CLIP1: variants seen among roughly 807,000 people sequenced by gnomAD.
CLIP1 encodes the protein CAP-Gly domain containing linker protein 1.
A neutral mutation model predicts 161.6 loss-of-function variants in CLIP1; 66 were observed. That is an observed-to-expected ratio of 0.41 (90% CI 0.33 to 0.50). CLIP1 has a LOEUF of 0.50. CLIP1 is among the 20% of genes least tolerant of loss of function. CLIP1 has a pLI of 0.27. For synonymous variants in CLIP1, 598 were observed against 626.2 expected (o/e 0.96, Z 0.67); for missense variants, 1,376 against 1,702.0 (o/e 0.81, Z 3.37).
At chr12:122,326,549 C>T (rs570298709) in intron 17 of CLIP1, among the ~76,000 whole-genome samples, 24 of 152,250 alleles carry the variant, frequency 1.6e-4, no homozygotes, top group Non-Finnish European at 2.6e-4. Context: ...TGTAGTGGCA[C>T]GTGCTTTTAG....
intron 20 of CLIP1, among the ~76,000 whole-genome samples, chr12:122,292,044 T>C (rs1213311046): frequency 6.6e-6 from 1 of 152,090 alleles, no homozygotes; most frequent in Non-Finnish European, 1.5e-5. Context: ...CAGGCTGGAG[T>C]GCAGGGACAA....
At chr12:122,376,601 G>A (rs1421391562) in intron 3 of CLIP1, among the ~76,000 whole-genome samples, 1 of 151,784 alleles carries the variant, frequency 6.6e-6, no homozygotes, top group Non-Finnish European at 1.5e-5. Flanking sequence ...CGAGTAGCTG[G>A]GACTACAGGC....
intron 20 of CLIP1, among the ~76,000 whole-genome samples, chr12:122,309,309 A>C (rs1950984769): frequency 6.6e-6 from 1 of 152,236 alleles, no homozygotes; most frequent in African/African-American, 2.4e-5. Context: ...TTTTTAATTT[A>C]AACAAAAGCA....
At position 122,333,005 on chromosome 12, in the gene CLIP1, T is replaced by C; in HGVS notation, c.2849A>G (p.Glu950Gly). 1 of 1,613,614 alleles carries C rather than the reference T, an allele frequency of 6.2e-7. No individual in the cohort carries two copies. Residue 950 changes from glutamate (E) to glycine (G), a missense_variant, in exon 15 of 26, where the codon GAA becomes GGA. Physicochemically the swap from Glu to Gly is moderately conservative, Grantham distance 98 (BLOSUM62 -2). Around this residue, in one of 6 missense-constraint regions of CLIP1, gnomAD observed 948 missense variants for 1,134.8 expected, o/e 0.84. Coordinates refer to ENST00000620786, the MANE Select transcript of CLIP1 (RefSeq NM_001247997.2). ...NSSQLTKMND[E>G]LRLKERDVEE... ...CATATACCTTTCTTTCAGACGTAAT[T>C]CATCGTTCATTTTTGTCAGCTGAGA...
At chr12:122,319,637 CA>C (rs1464759773) in intron 17 of CLIP1, among the ~76,000 whole-genome samples, 1 of 152,216 alleles carries the variant, frequency 6.6e-6, no homozygotes, top group African/African-American at 2.4e-5. Flanking sequence ...ATGACACTGG[CA>C]AGCATGCTCC....
At chr12:122,376,535 C>T (rs1954742390) in intron 3 of CLIP1, among the ~76,000 whole-genome samples, 1 of 151,912 alleles carries the variant, frequency 6.6e-6, no homozygotes, top group Non-Finnish European at 1.5e-5. Flanking sequence ...GGCGCAATCT[C>T]GGCTCACTGC....
chr12:122,338,900 C>A (rs1416224074), intron 11 of CLIP1, among the ~76,000 whole-genome samples: 1 of 152,064 alleles, frequency 6.6e-6, no homozygotes, highest in Non-Finnish European at 1.5e-5. Context: ...TTCCTGTAAC[C>A]AGTTTGTCAT....
At position 122,354,562 on chromosome 12, in the gene CLIP1, G is replaced by A. The variant is rs755178700; in HGVS notation, c.1204-6C>T. On this transcript the variant is annotated splice_region_variant and splice_polypyrimidine_tract_variant and intron_variant, in intron 6 of 25. Coordinates refer to ENST00000620786, the MANE Select transcript of CLIP1 (RefSeq NM_001247997.2). ...GCTTCCAATTCCAGGACATGCTGGG[G>A]AAGGCAAGAATGTCGGTAAATGGAC... is the stretch of plus-strand genomic sequence containing the variant. 6 of 1,608,942 alleles carry A rather than the reference G, an allele frequency of 3.7e-6. No individual in the cohort carries two copies. The highest frequency in any genetic ancestry group is 3.4e-6 in the Non-Finnish European group (4 of 1,175,724).
At chr12:122,345,033 A>G (rs899844426) in intron 10 of CLIP1, among the ~76,000 whole-genome samples, 3 of 151,796 alleles carry the variant, frequency 2.0e-5, no homozygotes, top group Non-Finnish European at 4.4e-5. Flanking sequence ...AAACTAAGAT[A>G]CGGGAGAGGA....
intron 18 of CLIP1, 55 bp downstream of exon 18, chr12:122,319,177 T>G (rs1951385729): frequency 8.2e-7 from 1 of 1,224,666 alleles, no homozygotes; most frequent in South Asian, 1.2e-5. Context: ...TGACCAAACA[T>G]TCTACCAAGT....
intron 24 of CLIP1, chr12:122,275,885 C>T (rs1274861903): frequency 1.3e-5 from 2 of 152,116 alleles, no homozygotes; most frequent in Non-Finnish European, 2.9e-5. Context: ...GCCAGGCACG[C>T]CAACAAGGCG....
intron 9 of CLIP1, among the ~76,000 whole-genome samples, chr12:122,350,277 G>A (rs775144551): frequency 3.9e-5 from 6 of 152,040 alleles, no homozygotes; most frequent in Admixed American, 6.6e-5. Flanking sequence ...TTTAATTTCC[G>A]TCTTATGTGG....
chr12:122,278,729 C>G, intron 23 of CLIP1, 63 bp downstream of exon 23: 1 of 1,494,336 alleles, frequency 6.7e-7, no homozygotes, highest in Non-Finnish European at 8.9e-7. Flanking sequence ...AGCATCTCTA[C>G]TAGAAAGGGC....
intron 20 of CLIP1, among the ~76,000 whole-genome samples, chr12:122,302,641 A>G (rs900026341): frequency 6.6e-6 from 1 of 152,096 alleles, no homozygotes; most frequent in Non-Finnish European, 1.5e-5. Context: ...TCTGTCCCCC[A>G]GGCTGGTATG....
intron 5 of CLIP1, chr12:122,356,199 T>C (rs917073114): frequency 2.0e-5 from 3 of 152,210 alleles, no homozygotes; most frequent in African/African-American, 7.2e-5. Context: ...TACCTTCTCT[T>C]GCTAATATTT....
At chr12:122,377,051 C>T (rs1048406635) in intron 3 of CLIP1, among the ~76,000 whole-genome samples, 2 of 151,390 alleles carry the variant, frequency 1.3e-5, no homozygotes, top group African/African-American at 4.9e-5. Context: ...ACTCTCTCGC[C>T]CAGGCTGGAG....
In CLIP1 at chr12:122,328,247, G is replaced by C. The variant is rs191751547; in HGVS notation, c.3033+14C>G. The C allele has an allele frequency of 3.4e-4, 548 of 1,613,664 alleles. 3 individuals carry two copies. The African/African-American group carries it at 6.7e-3, about 20-fold the overall frequency. ...TTCCTTGCCAGCCAACAGGCCCACT[G>C]AGTATCTCCTTACCAGGTCCGACAA... On this transcript the variant is annotated intron_variant, in intron 16 of 25. Transcript: ENST00000620786.
At position 122,311,019 on chromosome 12, in the gene CLIP1, G is replaced by A. The variant is rs1163985980; in HGVS notation, c.3474-1137C>T. On this transcript the variant is annotated intron_variant, in intron 19 of 25. Transcript: ENST00000620786. The surrounding 1 kb of genome is among the most constrained non-coding windows in gnomAD (Gnocchi z 4.3). The stretch of plus-strand genomic sequence containing the variant: ...GGCTTTTTACAGAGATGTTTATTTA[G>A]CAATTGAAGATAAACTGAGAAGGAA... Among the ~76,000 whole-genome samples the A allele has an allele frequency of 6.6e-6, 1 of 152,084 alleles. No individual in the cohort carries two copies. Among genetic ancestry groups the A allele is most frequent in the Admixed American group, 6.6e-5 (1 of 15,254 alleles).
chr12:122,377,712 C>T lies in CLIP1; in HGVS notation c.334G>A (p.Glu112Lys). Residue 112 changes from glutamate to lysine, a missense_variant, in exon 3 of 26, where the codon GAA (glutamate) becomes AAA (lysine). Glu to Lys is a moderately conservative substitution (Grantham distance 56). Coordinates refer to ENST00000620786, the MANE Select transcript of CLIP1 (RefSeq NM_001247997.2). ...CGGGTAAATATGCCCTTTAAAGGTT[C>T]ACACTGGAAATACCGAACTCCTGCC... ...SVAGVRYFQC[E>K]PLKGIFTRPS... 1 of 1,613,812 alleles carries T rather than the reference C, an allele frequency of 6.2e-7. No individual in the cohort carries two copies. Among genetic ancestry groups the T allele is most frequent in the Non-Finnish European group, 8.5e-7 (1 of 1,180,002 alleles).
Sources: allele counts gnomAD v4.1 joint callset (sites outside exome capture counted in the v4.1 genomes callset), GRCh38; gene constraint gnomAD v4.1.1; regional missense constraint gnomAD v4.1.1; non-coding constraint Gnocchi (gnomAD v3.1); transcripts MANE v1.5; gene names NCBI Gene and HGNC (gene_info 2026-07-23, HGNC 2026-07-21).